DNAAF6: variants seen among roughly 807,000 people sequenced by gnomAD.
DNAAF6 encodes PIH1 domain containing 3.
A neutral mutation model predicts 13.7 loss-of-function variants in DNAAF6; 3 were observed. That is an observed-to-expected ratio of 0.22 (90% CI 0.10 to 0.56). The LOEUF is 0.56. DNAAF6 is among the 20% of genes least tolerant of loss of function. The pLI is 0.92. For missense variants in DNAAF6, 130 were observed against 151.0 expected, an observed-to-expected ratio of 0.86 and a Z score of 0.73; for synonymous variants, 54 against 49.2, an observed-to-expected ratio of 1.10 and a Z score of -0.41.
intron 5 of DNAAF6, among the ~76,000 whole-genome samples, chrX:107,228,039 G>A (rs1254984135): frequency 1.8e-5 from 2 of 111,592 alleles, no homozygotes; most frequent in African/African-American, 6.5e-5. Flanking sequence ...TGGAATCCTT[G>A]AGCTGGACCT....
At chrX:107,208,540 ATT>A (rs528467758) in intron 1 of DNAAF6, among the ~76,000 whole-genome samples, 113 of 100,280 alleles carry the variant, frequency 1.1e-3, no homozygotes, top group African/African-American at 3.8e-3. Flanking sequence ...AAAAGACGCA[ATT>A]TTTTTTTTTT....
intron 5 of DNAAF6, among the ~76,000 whole-genome samples, chrX:107,231,547 T>A (rs763477313): frequency 2.7e-4 from 30 of 111,492 alleles, no homozygotes; most frequent in Non-Finnish European, 5.3e-4. Flanking sequence ...GATCATATGA[T>A]TTTTTTAGTT....
At chrX:107,219,103 A>G in intron 4 of DNAAF6, 134 bp downstream of exon 4, 1 of 806,307 alleles carries the variant, frequency 1.2e-6, no homozygotes, top group South Asian at 5.0e-5. Context: ...CACGGAAGGC[A>G]TGTGTAATTG....
intron 5 of DNAAF6, among the ~76,000 whole-genome samples, chrX:107,230,540 G>A (rs1022512327): frequency 2.7e-4 from 30 of 111,633 alleles, no homozygotes; most frequent in Non-Finnish European, 4.3e-4. Context: ...AAAATTAGCC[G>A]AGCATGGTGG....
chrX:107,237,894 T>C (rs774949012), intron 5 of DNAAF6, among the ~76,000 whole-genome samples: 1 of 112,059 alleles, frequency 8.9e-6, no homozygotes, highest in Non-Finnish European at 1.9e-5. Flanking sequence ...GGCAGGAGAA[T>C]TGCTTGAACC....
chrX:107,222,640 T>C (rs955393448), intron 4 of DNAAF6, 105 bp from the exon 5 acceptor site: 5 of 1,003,594 alleles, frequency 5.0e-6, no homozygotes, highest in African/African-American at 1.9e-5. Flanking sequence ...TGTTTAGTCC[T>C]TTTATTTTAC....
At chrX:107,241,433 A>G (rs1569377696) in intron 6 of DNAAF6, among the ~76,000 whole-genome samples, 1 of 112,012 alleles carries the variant, frequency 8.9e-6, no homozygotes. Flanking sequence ...TTCATATCTT[A>G]TAGTACTAAT....
chrX:107,216,412 T>A (rs893887334), intron 2 of DNAAF6, among the ~76,000 whole-genome samples: 1 of 111,938 alleles, frequency 8.9e-6, no homozygotes, highest in African/African-American at 3.2e-5. Flanking sequence ...TTCACTGAGC[T>A]GGAACTAGGG....
At chrX:107,231,332 T>C (rs1928391027) in intron 5 of DNAAF6, among the ~76,000 whole-genome samples, 1 of 111,266 alleles carries the variant, frequency 9.0e-6, no homozygotes, top group African/African-American at 3.3e-5. Context: ...GAGTGGTCAT[T>C]GAGGGAGGGG....
intron 1 of DNAAF6, among the ~76,000 whole-genome samples, chrX:107,206,942 G>A (rs1275726013): frequency 8.9e-6 from 1 of 111,914 alleles, no homozygotes; most frequent in Non-Finnish European, 1.9e-5. Context: ...GTGAGTGAAA[G>A]ATGGATGCTG....
At chrX:107,210,737 T>C (rs1331308554) in intron 1 of DNAAF6, among the ~76,000 whole-genome samples, 1 of 111,420 alleles carries the variant, frequency 9.0e-6, no homozygotes, top group Non-Finnish European at 1.9e-5. Context: ...AGAATCTTCT[T>C]TTTAAAAATC....
At chrX:107,242,294 G>C (rs911386299) in intron 6 of DNAAF6, among the ~76,000 whole-genome samples, 1 of 112,052 alleles carries the variant, frequency 8.9e-6, no homozygotes, top group African/African-American at 3.2e-5. Flanking sequence ...CAAGGGTTTT[G>C]TTTTCAAATA....
At chrX:107,219,620 G>A (rs1418746193) in intron 4 of DNAAF6, among the ~76,000 whole-genome samples, 13 of 111,004 alleles carry the variant, frequency 1.2e-4, no homozygotes. Context: ...TAAATTATTG[G>A]TCAAATAGAC....
chrX:107,225,963 T>G (rs1928247029), intron 5 of DNAAF6, among the ~76,000 whole-genome samples: 1 of 112,137 alleles, frequency 8.9e-6, no homozygotes. Context: ...GTTTTGTTTC[T>G]AGCTCTCAAG....
At chrX:107,212,768 A>G in intron 1 of DNAAF6, 105 bp from the exon 2 acceptor site, 3 of 948,278 alleles carry the variant, frequency 3.2e-6, no homozygotes, top group South Asian at 6.2e-5. Flanking sequence ...ATAAGAACCA[A>G]TGGAGTGATC....
chrX:107,241,685 C>T (rs895725693), intron 6 of DNAAF6, among the ~76,000 whole-genome samples: 1 of 111,579 alleles, frequency 9.0e-6, no homozygotes, highest in Non-Finnish European at 1.9e-5. Flanking sequence ...AAACAGACGA[C>T]GAAAATATTT....
At chrX:107,233,239 G>A (rs965791751) in intron 5 of DNAAF6, among the ~76,000 whole-genome samples, 1 of 111,612 alleles carries the variant, frequency 9.0e-6, no homozygotes, top group African/African-American at 3.3e-5. Context: ...ATATGTTTTA[G>A]GTGTACAACA....
At chrX:107,222,323 C>T (rs1928164132) in intron 4 of DNAAF6, among the ~76,000 whole-genome samples, 1 of 111,868 alleles carries the variant, frequency 8.9e-6, no homozygotes, top group Non-Finnish European at 1.9e-5. Context: ...TGAATTTTCT[C>T]CTCTGCTCTG....
At chrX:107,232,890 G>A (rs192679029) in intron 5 of DNAAF6, among the ~76,000 whole-genome samples, 4 of 110,020 alleles carry the variant, frequency 3.6e-5, no homozygotes, top group Non-Finnish European at 7.6e-5. Context: ...GTACAGGCGC[G>A]CACCACCATG....
Sources: gnomAD v4.1 joint callset for allele counts (sites outside exome capture counted in the v4.1 genomes callset) on GRCh38, gnomAD v4.1.1 for gene constraint, MANE v1.5 for transcripts, NCBI Gene and HGNC (gene_info 2026-07-23, HGNC 2026-07-21) for gene names.